The following CCDC3 variants were observed in gnomAD, a reference collection of about 807,000 sequenced individuals.
CCDC3 encodes the protein coiled-coil domain-containing protein 3.
In CCDC3, 24 loss-of-function variants were observed where a neutral mutation model predicts 21.4. That is an observed-to-expected ratio of 1.12 (90% CI 0.81 to 1.58). The LOEUF is 1.58. Ranked by LOEUF, CCDC3 falls within the 40% of genes most tolerant of loss-of-function variation. The pLI is 0.00. For synonymous variants in CCDC3, 186 were observed against 166.0 expected (o/e 1.12, Z -0.93); for missense variants, 425 against 360.9 (o/e 1.18, Z -1.44).
At chr10:12,963,887 C>T (rs996353880) in intron 2 of CCDC3, among the ~76,000 whole-genome samples, 1 of 152,072 alleles carries the variant, frequency 6.6e-6, no homozygotes, top group Non-Finnish European at 1.5e-5. Context: ...CTGGCCTGAA[C>T]TCCAGTTTTC....
rs1836017142 is a variant in CCDC3, at chr10:13,013,987, C to T, written c.-1-15475G>A. 2.6e-5 allele frequency among the ~76,000 whole-genome samples: 4 copies of T among 151,672 alleles called. No individual in the cohort carries two copies. In the South Asian group the frequency reaches 8.3e-4, roughly 32 times the overall value. On this transcript the variant is annotated intron_variant, in intron 5 of 6. Transcript: ENST00000378839. ...CCAACATGGCGAAACCCCATCTCTA[C>T]TGAAAATACAAAAATTAACCAGGTG...
At chr10:12,991,709 C>A (rs969376102) in intron 2 of CCDC3, among the ~76,000 whole-genome samples, 4 of 152,160 alleles carry the variant, frequency 2.6e-5, no homozygotes, top group Non-Finnish European at 5.9e-5. Context: ...AGCAAGCCAA[C>A]CATGGCCTAT....
intron 2 of CCDC3, among the ~76,000 whole-genome samples, chr10:12,908,455 G>A (rs1345628868): frequency 6.6e-6 from 1 of 152,118 alleles, no homozygotes; most frequent in Non-Finnish European, 1.5e-5. Context: ...TTCTCCCAGG[G>A]AGTTTTGCAA....
intron 2 of CCDC3, among the ~76,000 whole-genome samples, chr10:12,899,128 G>A (rs896921546): frequency 6.6e-6 from 1 of 151,156 alleles, no homozygotes; most frequent in Non-Finnish European, 1.5e-5. Flanking sequence ...CAACTGAAGG[G>A]AGGGGTTCCC....
At chr10:12,971,343 C>T (rs926609555) in intron 2 of CCDC3, among the ~76,000 whole-genome samples, 2 of 152,226 alleles carry the variant, frequency 1.3e-5, no homozygotes, top group African/African-American at 4.8e-5. Context: ...ATTTGCTTGC[C>T]TTAACAGGTC....
At chr10:13,001,804 G>A (rs1181660830), upstream of CCDC3, 1 of 165,598 alleles carries the variant, frequency 6.0e-6, no homozygotes, top group East Asian at 1.9e-4. Context: ...CGGCTGGGGC[G>A]TGGGCGGGGG....
chr10:12,924,495 A>G (rs281851), intron 2 of CCDC3, among the ~76,000 whole-genome samples: 58 of 152,012 alleles, frequency 3.8e-4, no homozygotes, highest in African/African-American at 1.2e-3. Flanking sequence ...CAGCCTAAGA[A>G]TATCTAAACT....
chr10:13,064,490 C>T (rs1836800718), intron 4 of CCDC3, among the ~76,000 whole-genome samples: 1 of 152,168 alleles, frequency 6.6e-6, no homozygotes, highest in African/African-American at 2.4e-5. Flanking sequence ...CTCAGGAGAT[C>T]CTCACGACAT....
intron 2 of CCDC3, among the ~76,000 whole-genome samples, chr10:12,986,916 C>CA (rs1260857836): frequency 1.3e-5 from 2 of 152,004 alleles, no homozygotes; most frequent in Non-Finnish European, 2.9e-5. Context: ...GATGGCAAAA[C>CA]AAAAAAGAAA....
At chr10:13,003,994 G>A (rs925206726), upstream of CCDC3, among the ~76,000 whole-genome samples, 8 of 152,190 alleles carry the variant, frequency 5.3e-5, no homozygotes, top group Non-Finnish European at 1.2e-4. Flanking sequence ...CCATTGCAGT[G>A]TACCGTAGTG....
chr10:13,053,452 C>A (rs1836638941), intron 4 of CCDC3, among the ~76,000 whole-genome samples: 1 of 151,966 alleles, frequency 6.6e-6, no homozygotes, highest in Non-Finnish European at 1.5e-5. Flanking sequence ...CACCTATAGT[C>A]CCAGCTACTC....
intron 3 of CCDC3, among the ~76,000 whole-genome samples, chr10:13,081,440 G>A (rs1412952335): frequency 2.0e-5 from 3 of 152,118 alleles, no homozygotes; most frequent in South Asian, 2.1e-4. Flanking sequence ...GCTAACCACT[G>A]AGACTGCCGT....
Position 13,001,408 on chromosome 10 carries a change from C to T in CCDC3, c.163G>A (p.Ala55Thr). Residue 55 changes from alanine (A) to threonine (T), a missense_variant, in exon 1 of 3, where the codon GCG becomes ACG. By Grantham distance (58) the Ala-to-Thr change is moderately conservative. Coordinates refer to ENST00000378825, the MANE Select transcript of CCDC3 (RefSeq NM_031455.4). ...GGCAGGTGGTTGTAGAGGCCGGGCG[C>T]CTCGGGGTGCAGCGCCAGCACCCTG... ...YARVLALHPE[A>T]PGLYNHLPWQ... 1 of 1,561,148 alleles carries T rather than the reference C, an allele frequency of 6.4e-7. No homozygotes were observed.
chr10:12,966,278 G>GGTGCTCAGTT (rs1385201578), intron 2 of CCDC3, among the ~76,000 whole-genome samples: 1 of 151,786 alleles, frequency 6.6e-6, no homozygotes, highest in African/African-American at 2.4e-5. Context: ...ATTACTATAT[G>GGTGCTCAGTT]AGCAAGGTTG....
At chr10:13,094,591 CAG>C (rs1220678365) in intron 3 of CCDC3, among the ~76,000 whole-genome samples, 3 of 152,036 alleles carry the variant, frequency 2.0e-5, no homozygotes, top group Non-Finnish European at 2.9e-5. Context: ...AGGCCCGGCA[CAG>C]AGAGTTATGT....
intron 3 of CCDC3, among the ~76,000 whole-genome samples, chr10:13,077,714 AATCATCTG>A (rs1836983811): frequency 6.6e-6 from 1 of 152,226 alleles, no homozygotes; most frequent in African/African-American, 2.4e-5. Context: ...ACACATCTAC[AATCATCTG>A]ATCTTTGACA....
At chr10:13,044,918 G>C (rs1374475635) in intron 5 of CCDC3, among the ~76,000 whole-genome samples, 1 of 152,066 alleles carries the variant, frequency 6.6e-6, no homozygotes, top group Non-Finnish European at 1.5e-5. Context: ...TCCAATTCAT[G>C]AGCATTGGAA....
intron 2 of CCDC3, among the ~76,000 whole-genome samples, chr10:12,902,556 G>C (rs940347818): frequency 3.3e-5 from 5 of 152,192 alleles, no homozygotes; most frequent in African/African-American, 1.2e-4. Flanking sequence ...AAGAGGATTG[G>C]GGTTTTGGAA....
At chr10:12,956,004 A>C (rs931680147) in intron 2 of CCDC3, among the ~76,000 whole-genome samples, 3 of 152,010 alleles carry the variant, frequency 2.0e-5, no homozygotes, top group African/African-American at 7.2e-5. Context: ...CACAGTGCCC[A>C]GCCCTAAATA....
Sources: allele counts gnomAD v4.1 joint callset (sites outside exome capture counted in the v4.1 genomes callset), GRCh38; gene constraint gnomAD v4.1.1; transcripts MANE v1.5; gene names NCBI Gene and HGNC (gene_info 2026-07-23, HGNC 2026-07-21).